EIF2AK3: variants seen among roughly 807,000 people sequenced by gnomAD.
EIF2AK3 encodes the protein eukaryotic translation initiation factor 2-alpha kinase 3.
In EIF2AK3, 50 loss-of-function variants were observed where a neutral mutation model predicts 113.5. That is an observed-to-expected ratio of 0.44 (90% CI 0.35 to 0.56). The LOEUF (loss-of-function observed/expected upper bound fraction) is 0.56. Ranked by LOEUF, EIF2AK3 falls within the 20% of genes least tolerant of loss-of-function variation. The pLI is 0.00. For missense variants in EIF2AK3, 1,185 were observed against 1,378.0 expected, an observed-to-expected ratio of 0.86 and a Z score of 2.22; for synonymous variants, 448 against 495.4, an observed-to-expected ratio of 0.90 and a Z score of 1.27.
At chr2:88,590,296 G>A (rs908120302) in intron 6 of EIF2AK3, 147 bp downstream of exon 6, 17 of 814,596 alleles carry the variant, frequency 2.1e-5, no homozygotes, top group Middle Eastern at 3.4e-4. Context: ...AATGGAAATC[G>A]AAGTATAAAT....
At chr2:88,559,633 A>G (rs1673888625) in intron 15 of EIF2AK3, among the ~76,000 whole-genome samples, 1 of 151,866 alleles carries the variant, frequency 6.6e-6, no homozygotes, top group Non-Finnish European at 1.5e-5. Context: ...GGCCATATTA[A>G]AGCACAAAGA....
intron 1 of EIF2AK3, among the ~76,000 whole-genome samples, chr2:88,616,290 CCATAGA>C (rs1264888250): frequency 2.6e-5 from 4 of 152,170 alleles, no homozygotes; most frequent in Non-Finnish European, 5.9e-5. Context: ...GTTTGCATAT[CCATAGA>C]CAGACCCCCT....
At chr2:88,585,697 A>G (rs1254545926) in intron 9 of EIF2AK3, 144 bp downstream of exon 9, 3 of 731,532 alleles carry the variant, frequency 4.1e-6, no homozygotes, top group Non-Finnish European at 6.8e-6. Flanking sequence ...TGTCCATTAC[A>G]TTTAACACAA....
intron 14 of EIF2AK3, among the ~76,000 whole-genome samples, chr2:88,562,989 A>G (rs1289826120): frequency 6.6e-6 from 1 of 152,250 alleles, no homozygotes; most frequent in African/African-American, 2.4e-5. Context: ...GGCTAAGTAT[A>G]GAGAAGGCCC....
intron 2 of EIF2AK3, 118 bp downstream of exon 2, chr2:88,613,606 C>A: frequency 1.8e-6 from 2 of 1,115,200 alleles, no homozygotes; most frequent in South Asian, 2.5e-5. Context: ...TAAAGGGACA[C>A]AAACTGTAAG....
At chr2:88,585,167 T>G (rs1275216583) in intron 9 of EIF2AK3, among the ~76,000 whole-genome samples, 3 of 151,912 alleles carry the variant, frequency 2.0e-5, no homozygotes, top group East Asian at 3.9e-4. Context: ...AACTGACACA[T>G]AGAGAAGAAG....
intron 13 of EIF2AK3, among the ~76,000 whole-genome samples, chr2:88,571,276 T>A (rs950686392): frequency 1.2e-4 from 19 of 152,208 alleles, no homozygotes; most frequent in Non-Finnish European, 2.5e-4. Context: ...GAACATCTAC[T>A]TAAACCCTTT....
At chr2:88,574,013 T>C (rs961245438) in intron 13 of EIF2AK3, among the ~76,000 whole-genome samples, 2 of 152,234 alleles carry the variant, frequency 1.3e-5, no homozygotes, top group Non-Finnish European at 2.9e-5. Context: ...GACTCTTTAA[T>C]AATTTTGCAT....
intron 14 of EIF2AK3, among the ~76,000 whole-genome samples, chr2:88,566,793 A>G (rs1674141835): frequency 6.6e-6 from 1 of 152,124 alleles, no homozygotes; most frequent in Non-Finnish European, 1.5e-5. Flanking sequence ...ACAAAAAACA[A>G]AAAAATTATC....
At chr2:88,627,891 A>G (rs922433351), upstream of EIF2AK3, 1 of 151,608 alleles carries the variant, frequency 6.6e-6, no homozygotes, top group East Asian at 1.9e-4. Context: ...CTGACTGTGA[A>G]GAGGACTGTC....
At chr2:88,627,901 C>T (rs548529349), upstream of EIF2AK3, 1 of 152,486 alleles carries the variant, frequency 6.6e-6, no homozygotes, top group African/African-American at 2.4e-5. Flanking sequence ...AGAGGACTGT[C>T]CCAAGTGAAG....
intron 14 of EIF2AK3, among the ~76,000 whole-genome samples, chr2:88,567,878 C>T (rs1344259497): frequency 6.6e-6 from 1 of 152,126 alleles, no homozygotes; most frequent in Admixed American, 6.5e-5. Flanking sequence ...ATCTTTTCCT[C>T]CTTTACACAA....
At chr2:88,581,790 CTTTG>C (rs1166835182) in intron 10 of EIF2AK3, among the ~76,000 whole-genome samples, 2 of 152,110 alleles carry the variant, frequency 1.3e-5, no homozygotes, top group African/African-American at 2.4e-5. Flanking sequence ...GTAAATTTTG[CTTTG>C]TTTATGAAAT....
In EIF2AK3 at chr2:88,613,764, C is replaced by G. The variant is rs1675508077; in HGVS notation, c.398G>C (p.Gly133Ala). The G allele has an allele frequency of 6.2e-7, 1 of 1,613,966 alleles. No homozygotes were observed. Among genetic ancestry groups the G allele is most frequent in the Admixed American group, 1.7e-5 (1 of 59,996 alleles). The change falls in exon 2 of 17, where the codon GGA becomes GCA. Residue 133 changes from glycine to alanine, a missense_variant. Coordinates refer to ENST00000303236, the MANE Select transcript of EIF2AK3 (RefSeq NM_004836.7). ...HGKKQWDLDVGSGSLVSSSLS... is the reference protein window; with the variant it reads ...HGKKQWDLDVASGSLVSSSLS... The stretch of plus-strand genomic sequence containing the variant: ...GCTGGATGACACCAAGGAACCGGAT[C>G]CCACATCCAAATCCCACTGCTTTTT...
chr2:88,560,572 G>A (rs1409660060), intron 15 of EIF2AK3, among the ~76,000 whole-genome samples: 4 of 152,114 alleles, frequency 2.6e-5, no homozygotes, highest in Admixed American at 6.6e-5. Flanking sequence ...GTGCTACCAC[G>A]TCCACCTTGT....
chr2:88,602,363 C>A (rs887271107), intron 2 of EIF2AK3, among the ~76,000 whole-genome samples: 1 of 152,120 alleles, frequency 6.6e-6, no homozygotes, highest in East Asian at 1.9e-4. Flanking sequence ...CAGGAACACA[C>A]TGGCCCTGAT....
rs144515902 is a variant in EIF2AK3, at chr2:88,609,142, T to G, written c.438+4582A>C. ...TTCTAGATGCTGAGCAGCACACACC[T>G]TGCTGAATAACAGATGACTCATGCT... is the stretch of plus-strand genomic sequence containing the variant. On this transcript the variant is annotated intron_variant, in intron 2 of 16. Transcript: ENST00000303236. 9.2e-5 allele frequency among the ~76,000 whole-genome samples: 14 copies of G among 152,244 alleles called. No individual in the cohort carries two copies. In the East Asian group the frequency reaches 2.7e-3, roughly 29 times the overall value.
chr2:88,570,898 G>T lies in EIF2AK3; in HGVS notation c.2961C>A (p.Thr987=). ...CCTGCTCTGGGCTCATATACAGTTT[G>T]GTCCCTACTTGTCCTGTGTGTCTGG... ...AYARHTGQVG[T]KLYMSPEQIH... is the part of the protein sequence containing the mutation. Residue 987 remains threonine (T), a synonymous_variant, in exon 14 of 17, where the codon ACC becomes ACA. Transcript: ENST00000303236. 1 of 1,614,122 alleles carries T rather than the reference G, an allele frequency of 6.2e-7. No individual in the cohort carries two copies.
At chr2:88,588,696 C>T (rs1674800715) in intron 7 of EIF2AK3, 65 bp downstream of exon 7, 1 of 1,577,332 alleles carries the variant, frequency 6.3e-7, no homozygotes, top group Non-Finnish European at 8.7e-7. Flanking sequence ...AAAACTAGGG[C>T]AAAGACAGTC....
Sources: allele counts gnomAD v4.1 joint callset (sites outside exome capture counted in the v4.1 genomes callset), GRCh38; gene constraint gnomAD v4.1.1; transcripts MANE v1.5; gene names NCBI Gene and HGNC (gene_info 2026-07-23, HGNC 2026-07-21).